LAMA2: variants seen among roughly 807,000 people sequenced by gnomAD.
The protein encoded by LAMA2 is laminin subunit alpha-2.
LAMA2 carries 269 observed loss-of-function variants against 364.8 expected under a neutral mutation model. The ratio of observed to expected loss-of-function variants is 0.74; its 90% CI spans 0.67 to 0.82. LAMA2 has a LOEUF of 0.82. LAMA2 is among the 40% of genes least tolerant of loss of function. The pLI, the probability that LAMA2 is intolerant of heterozygous loss-of-function variation, is 0.00. For synonymous variants in LAMA2, 1,379 were observed against 1,370.6 expected, an observed-to-expected ratio of 1.01 and a Z score of -0.14; for missense variants, 3,807 against 3,873.2, an observed-to-expected ratio of 0.98 and a Z score of 0.45.
Position 129,477,416 on chromosome 6 carries a change from T to G in LAMA2, c.7452-1277T>G, listed in dbSNP as rs1042071353. Among the ~76,000 whole-genome samples the G allele has an allele frequency of 3.9e-5, 6 of 152,336 alleles. No individual in the cohort carries two copies. The East Asian group carries it at 1.2e-3, about 29-fold the overall frequency. ...TAGCCTTTGTTTGTTGAGCACTTAC[T>G]GTGTGCAGTGCTATTCCTTAATTTA... On this transcript the variant is annotated intron_variant, in intron 53 of 64. Transcript: ENST00000421865.
chr6:129,075,221 T>C (rs560620982), intron 3 of LAMA2, among the ~76,000 whole-genome samples: 2 of 152,170 alleles, frequency 1.3e-5, no homozygotes, highest in South Asian at 4.2e-4. Context: ...AAAATCTGGG[T>C]AGAGTTTATT....
At chr6:129,482,636 T>C (rs953248397) in intron 55 of LAMA2, among the ~76,000 whole-genome samples, 2 of 152,198 alleles carry the variant, frequency 1.3e-5, no homozygotes, top group Admixed American at 1.3e-4. Context: ...AATCATATTA[T>C]GTAACAAATC....
rs1324008369 is a variant in LAMA2, at chr6:128,883,287, C to A, written c.42C>A (p.Ser14=). The stretch of plus-strand genomic sequence containing the variant: ...GGGTCCTCCTCCTTCTGCTGCTCTC[C>A]GGAGGCCTCGGGGGCGTACAGGCGC... The part of the protein sequence containing the change: ...AAGVLLLLLL[S]GGLGGVQAQR... The change falls in exon 1 of 65, where the codon TCC becomes TCA. Residue 14 remains serine, a synonymous_variant. Transcript: ENST00000421865. The A allele has an allele frequency of 6.3e-7, 1 of 1,579,018 alleles. No homozygotes were observed. Among genetic ancestry groups the A allele is most frequent in the Non-Finnish European group, 8.6e-7 (1 of 1,162,296 alleles).
At chr6:128,908,990 G>T (rs1777693816) in intron 1 of LAMA2, among the ~76,000 whole-genome samples, 1 of 146,170 alleles carries the variant, frequency 6.8e-6, no homozygotes, top group Non-Finnish European at 1.5e-5. Flanking sequence ...ATTGCACTGT[G>T]GTCTGAGAGA....
intron 34 of LAMA2, among the ~76,000 whole-genome samples, chr6:129,374,512 A>T (rs1466233176): frequency 6.6e-6 from 1 of 152,016 alleles, no homozygotes; most frequent in Non-Finnish European, 1.5e-5. Flanking sequence ...AATTACTGTG[A>T]TCCTGTAGTT....
chr6:128,958,150 C>G (rs907662572), intron 1 of LAMA2, among the ~76,000 whole-genome samples: 2 of 151,880 alleles, frequency 1.3e-5, no homozygotes, highest in Non-Finnish European at 2.9e-5. Flanking sequence ...TCTAATGAAT[C>G]AAAAACAATG....
At chr6:128,982,823 C>T (rs1166704877) in intron 1 of LAMA2, among the ~76,000 whole-genome samples, 1 of 138,344 alleles carries the variant, frequency 7.2e-6, no homozygotes, top group South Asian at 2.4e-4. Context: ...CATGTGTTCT[C>T]ATTGTTCAAT....
chr6:129,514,695 G>A (rs1310552582), intron 64 of LAMA2, 100 bp downstream of exon 64: 2 of 941,916 alleles, frequency 2.1e-6, no homozygotes, highest in Admixed American at 2.0e-5. Context: ...GTGCTTATGT[G>A]TACTTGCTTC....
At chr6:129,295,127 C>A (rs1294156841) in intron 20 of LAMA2, among the ~76,000 whole-genome samples, 1 of 152,152 alleles carries the variant, frequency 6.6e-6, no homozygotes, top group East Asian at 1.9e-4. Flanking sequence ...CTTGACTCCA[C>A]AATTGGTTAG....
In LAMA2 at chr6:129,012,919, T is replaced by C. The variant is rs867407367; in HGVS notation, c.113-36999T>C. On this transcript the variant is annotated intron_variant, in intron 1 of 64. Transcript: ENST00000421865. ...ATAGGGAGATGCTGTAATGTCTCTT[T>C]CCCCTCTTCAACGTATCATATTACA... 6.6e-5 allele frequency among the ~76,000 whole-genome samples: 10 copies of C among 152,254 alleles called. No individual in the cohort carries two copies. The South Asian group carries it at 1.2e-3, about 19-fold the overall frequency.
rs963858482 is a variant in LAMA2, at chr6:129,473,339, C to A, written c.7426C>A (p.Leu2476Met). Residue 2476 changes from leucine to methionine, a missense_variant, in exon 52 of 65, where the codon CTG becomes ATG. Coordinates refer to ENST00000421865, the MANE Select transcript of LAMA2 (RefSeq NM_000426.4). ...AATATATTTTGGTGGCCTGCCAACG[C>A]TGAGAAACTTGAGGTAATTTAGTTT... ...DKIYFGGLPT[L>M]RNLSMKARPE... 20 of 1,612,250 alleles carry A rather than the reference C, an allele frequency of 1.2e-5. No homozygotes were observed. Among genetic ancestry groups the A allele is most frequent in the Admixed American group, 3.3e-5 (2 of 59,914 alleles).
chr6:129,221,776 T>C (rs1783869726), intron 12 of LAMA2, among the ~76,000 whole-genome samples: 1 of 152,078 alleles, frequency 6.6e-6, no homozygotes, highest in Non-Finnish European at 1.5e-5. Context: ...TGCACCCAGA[T>C]AAACACATAA....
intron 3 of LAMA2, among the ~76,000 whole-genome samples, chr6:129,064,255 T>G (rs551474082): frequency 1.3e-5 from 2 of 148,996 alleles, no homozygotes; most frequent in African/African-American, 5.0e-5. Context: ...CTAACACTGA[T>G]AAGAAGAAGC....
chr6:128,909,291 C>G (rs1221291424), intron 1 of LAMA2, among the ~76,000 whole-genome samples: 5 of 152,088 alleles, frequency 3.3e-5, no homozygotes, highest in African/African-American at 4.8e-5. Flanking sequence ...GTAGGTCACT[C>G]AGGACTTGCT....
chr6:129,217,948 A>T (rs1783534078), intron 12 of LAMA2, among the ~76,000 whole-genome samples: 1 of 152,208 alleles, frequency 6.6e-6, no homozygotes, highest in Admixed American at 6.5e-5. Context: ...TTGGGCCTGT[A>T]GCCAATAGTT....
intron 12 of LAMA2, among the ~76,000 whole-genome samples, chr6:129,242,759 G>A (rs961688524): frequency 1.3e-5 from 2 of 152,104 alleles, no homozygotes; most frequent in African/African-American, 4.8e-5. Context: ...CTAACAGCAC[G>A]AAGCACTTCA....
intron 1 of LAMA2, among the ~76,000 whole-genome samples, chr6:128,937,787 T>G (rs147948062): frequency 6.6e-6 from 1 of 152,190 alleles, no homozygotes; most frequent in East Asian, 1.9e-4. Context: ...CAATTTCATT[T>G]ATTTATGCTC....
intron 37 of LAMA2, among the ~76,000 whole-genome samples, chr6:129,399,083 A>G (rs1583658910): frequency 1.3e-5 from 2 of 152,314 alleles, no homozygotes; most frequent in Non-Finnish European, 2.9e-5. Flanking sequence ...TGTATCTGTG[A>G]TGCATTGGTA....
intron 22 of LAMA2, among the ~76,000 whole-genome samples, chr6:129,306,103 A>G (rs1186712373): frequency 6.6e-6 from 1 of 151,952 alleles, no homozygotes; most frequent in Non-Finnish European, 1.5e-5. Flanking sequence ...ATATAAGCTT[A>G]CGATTTTGAT....
Sources: allele counts gnomAD v4.1 joint callset (sites outside exome capture counted in the v4.1 genomes callset), GRCh38; gene constraint gnomAD v4.1.1; transcripts MANE v1.5; gene names NCBI Gene and HGNC (gene_info 2026-07-23, HGNC 2026-07-21).